Variants in ASIC2 observed in about 807,000 individuals in gnomAD.
ASIC2 encodes the protein acid sensing ion channel subunit 2, also known as acid-sensing ion channel 2.
ASIC2 carries 25 observed loss-of-function variants against 57.3 expected under a neutral mutation model. The ratio of observed to expected loss-of-function variants is 0.44; its 90% CI spans 0.32 to 0.61. ASIC2 has a LOEUF of 0.61. Among genes scored for constraint, ASIC2 ranks in the 20% least tolerant of loss-of-function variants. The probability of loss-of-function intolerance (pLI) is 0.06; values close to 1 mark genes in which losing one functional copy is unlikely to be tolerated. For missense variants in ASIC2, 641 were observed against 738.1 expected, an observed-to-expected ratio of 0.87 and a Z score of 1.52; for synonymous variants, 319 against 307.5, an observed-to-expected ratio of 1.04 and a Z score of -0.39.
At chr17:33,577,431 C>T (rs1375590893) in intron 1 of ASIC2, among the ~76,000 whole-genome samples, 2 of 152,152 alleles carry the variant, frequency 1.3e-5, no homozygotes, top group African/African-American at 4.8e-5. Context: ...GGCAGCCTGA[C>T]ATGGGATTCA....
intron 1 of ASIC2, among the ~76,000 whole-genome samples, chr17:33,551,458 CA>C (rs1387120419): frequency 6.6e-6 from 1 of 152,132 alleles, no homozygotes; most frequent in Non-Finnish European, 1.5e-5. Flanking sequence ...ACACCAAAGA[CA>C]AAAAACTGCT....
At chr17:33,742,213 G>T (rs1385263985) in intron 1 of ASIC2, among the ~76,000 whole-genome samples, 1 of 152,144 alleles carries the variant, frequency 6.6e-6, no homozygotes, top group African/African-American at 2.4e-5. Context: ...ACTGATTGCT[G>T]CCCACGCCCC....
chr17:33,997,300 A>G (rs1597967291), intron 1 of ASIC2, among the ~76,000 whole-genome samples: 1 of 135,136 alleles, frequency 7.4e-6, no homozygotes, highest in Admixed American at 7.9e-5. Flanking sequence ...TCCACCATGC[A>G]CGGTTAATTT....
intron 1 of ASIC2, among the ~76,000 whole-genome samples, chr17:33,895,899 T>C (rs576641945): frequency 2.0e-5 from 3 of 152,330 alleles, no homozygotes; most frequent in Admixed American, 6.5e-5. Flanking sequence ...ACGGGGTGCA[T>C]AACTTTGCAG....
At chr17:33,541,784 G>C (rs1384320412) in intron 1 of ASIC2, among the ~76,000 whole-genome samples, 1 of 152,100 alleles carries the variant, frequency 6.6e-6, no homozygotes, top group Non-Finnish European at 1.5e-5. Context: ...CACTACTACA[G>C]GTACTCCATC....
intron 1 of ASIC2, among the ~76,000 whole-genome samples, chr17:33,724,112 C>A (rs1386473731): frequency 6.6e-6 from 1 of 152,106 alleles, no homozygotes; most frequent in Non-Finnish European, 1.5e-5. Context: ...CTCACGAGAT[C>A]TGATGGTTTT....
intron 1 of ASIC2, among the ~76,000 whole-genome samples, chr17:34,083,766 T>C (rs1412991015): frequency 6.6e-6 from 1 of 152,252 alleles, no homozygotes; most frequent in Non-Finnish European, 1.5e-5. Flanking sequence ...ATTTCTCTGA[T>C]GGCCAGTGAT....
chr17:33,038,670 T>G (rs1468719284), intron 3 of ASIC2, among the ~76,000 whole-genome samples: 1 of 152,224 alleles, frequency 6.6e-6, no homozygotes, highest in East Asian at 1.9e-4. Flanking sequence ...AGAACTTTTG[T>G]GATTAAATAC....
chr17:33,452,730 C>G (rs186222775), intron 1 of ASIC2, among the ~76,000 whole-genome samples: 4 of 111,700 alleles, frequency 3.6e-5, no homozygotes, highest in East Asian at 2.8e-4. Flanking sequence ...TTGTTTGGAA[C>G]AGAGTGGGGT....
At chr17:34,073,930 T>C (rs1056218613) in intron 1 of ASIC2, among the ~76,000 whole-genome samples, 40 of 152,162 alleles carry the variant, frequency 2.6e-4, no homozygotes, top group African/African-American at 9.2e-4. Context: ...CAGGCCTCCT[T>C]CTGCGTAAGG....
At chr17:33,412,580 T>A (rs1033830851) in intron 1 of ASIC2, among the ~76,000 whole-genome samples, 3 of 152,204 alleles carry the variant, frequency 2.0e-5, no homozygotes, top group African/African-American at 7.2e-5. Flanking sequence ...AAAATCCTGG[T>A]CTTGCTGAGG....
intron 1 of ASIC2, among the ~76,000 whole-genome samples, chr17:34,028,347 T>C (rs974492383): frequency 1.9e-4 from 29 of 152,196 alleles, no homozygotes; most frequent in Admixed American, 1.8e-3. Context: ...TTGCAATTCC[T>C]AACATGTGCT....
chr17:33,857,226 A>G (rs952458776), intron 1 of ASIC2, among the ~76,000 whole-genome samples: 1 of 152,198 alleles, frequency 6.6e-6, no homozygotes, highest in Non-Finnish European at 1.5e-5. Context: ...GACATGACGT[A>G]TCTTGACTAG....
intron 1 of ASIC2, among the ~76,000 whole-genome samples, chr17:33,865,900 A>C (rs1914226101): frequency 6.6e-6 from 1 of 151,992 alleles, no homozygotes; most frequent in Admixed American, 6.6e-5. Context: ...ACTTTCTATT[A>C]CTTCTTCCTA....
intron 1 of ASIC2, among the ~76,000 whole-genome samples, chr17:33,231,738 G>A (rs1043804518): frequency 6.6e-6 from 1 of 152,098 alleles, no homozygotes; most frequent in Non-Finnish European, 1.5e-5. Flanking sequence ...GGGCAGAGGA[G>A]TAGCTTCCCA....
intron 1 of ASIC2, among the ~76,000 whole-genome samples, chr17:33,969,222 G>A (rs1905155531): frequency 6.6e-6 from 1 of 152,218 alleles, no homozygotes; most frequent in Non-Finnish European, 1.5e-5. Context: ...GGGGGACTTT[G>A]AAGAAGTGTA....
intron 1 of ASIC2, among the ~76,000 whole-genome samples, chr17:33,619,480 G>A (rs1056240764): frequency 3.9e-5 from 6 of 152,218 alleles, no homozygotes; most frequent in African/African-American, 1.4e-4. Flanking sequence ...GGATTCAAGG[G>A]TAAGGTTGGA....
intron 1 of ASIC2, among the ~76,000 whole-genome samples, chr17:33,753,547 G>A (rs1910498360): frequency 6.6e-6 from 1 of 152,202 alleles, no homozygotes; most frequent in Non-Finnish European, 1.5e-5. Flanking sequence ...ATTCGTGAAT[G>A]GGGCAACCCC....
At chr17:33,406,784 T>C (rs1910490152) in intron 1 of ASIC2, among the ~76,000 whole-genome samples, 1 of 152,222 alleles carries the variant, frequency 6.6e-6, no homozygotes, top group Non-Finnish European at 1.5e-5. Flanking sequence ...GGTATATTCC[T>C]ACCCCTAAAG....
Sources: allele counts gnomAD v4.1 joint callset (sites outside exome capture counted in the v4.1 genomes callset), GRCh38; gene constraint gnomAD v4.1.1; transcripts MANE v1.5; gene names NCBI Gene and HGNC (gene_info 2026-07-23, HGNC 2026-07-21).